Variants in CSMD1 observed in about 807,000 individuals in gnomAD.
CSMD1 encodes CUB and sushi domain-containing protein 1.
In CSMD1, 213 loss-of-function variants were observed where a neutral mutation model predicts 417.5. The observed-to-expected ratio is 0.51, with a 90% confidence interval of 0.46 to 0.57. The LOEUF (loss-of-function observed/expected upper bound fraction) is 0.57. Among genes scored for constraint, CSMD1 ranks in the 20% least tolerant of loss-of-function variants. The pLI is 0.00. For missense variants in CSMD1, 6,923 were observed against 4,529.7 expected (o/e 1.53, Z -15.17); for synonymous variants, 2,862 against 1,736.8 (o/e 1.65, Z -16.11).
intron 26 of CSMD1, among the ~76,000 whole-genome samples, chr8:3,274,152 A>G (rs1341301198): frequency 1.3e-5 from 2 of 151,780 alleles, no homozygotes; most frequent in Non-Finnish European, 2.9e-5. Flanking sequence ...GGTTTCAAAG[A>G]ACATCTTTAT....
At chr8:4,525,966 G>A (rs956736731) in intron 2 of CSMD1, among the ~76,000 whole-genome samples, 2 of 152,088 alleles carry the variant, frequency 1.3e-5, no homozygotes, top group Non-Finnish European at 2.9e-5. Flanking sequence ...GGTCCTGAAC[G>A]CTGCCTTTGC....
chr8:4,806,037 G>C (rs1798566796), intron 1 of CSMD1, among the ~76,000 whole-genome samples: 1 of 152,140 alleles, frequency 6.6e-6, no homozygotes, highest in African/African-American at 2.4e-5. Flanking sequence ...GAAACAGACA[G>C]TGAGATGACG....
At chr8:4,274,299 T>C (rs1171444395) in intron 3 of CSMD1, among the ~76,000 whole-genome samples, 2 of 152,170 alleles carry the variant, frequency 1.3e-5, no homozygotes, top group African/African-American at 4.8e-5. Flanking sequence ...ACGTGAAGTA[T>C]CACCCAACTG....
chr8:4,114,502 T>G (rs1365530205), intron 3 of CSMD1, among the ~76,000 whole-genome samples: 4 of 152,236 alleles, frequency 2.6e-5, no homozygotes, highest in East Asian at 1.9e-4. Context: ...TAATAAAATA[T>G]CCATTCTGCA....
intron 47 of CSMD1, 147 bp downstream of exon 47, chr8:3,096,702 C>T (rs988897717): frequency 3.3e-6 from 2 of 612,484 alleles, no homozygotes; most frequent in South Asian, 4.3e-5. Context: ...GAATGCATAA[C>T]CCCAAACTAG....
chr8:4,678,616 C>A (rs1805840828), intron 1 of CSMD1, among the ~76,000 whole-genome samples: 1 of 152,086 alleles, frequency 6.6e-6, no homozygotes. Flanking sequence ...TATGCATTTA[C>A]ATTACTACTA....
chr8:3,156,026 G>C (rs1033892096), intron 39 of CSMD1, among the ~76,000 whole-genome samples: 1 of 152,200 alleles, frequency 6.6e-6, no homozygotes, highest in Admixed American at 6.5e-5. Context: ...AGAAGAATGT[G>C]TAACAGACAG....
At chr8:4,375,819 T>A (rs1314448628) in intron 3 of CSMD1, among the ~76,000 whole-genome samples, 1 of 152,176 alleles carries the variant, frequency 6.6e-6, no homozygotes, top group African/African-American at 2.4e-5. Flanking sequence ...AAGAGTTCAA[T>A]GTTTTTAAGC....
At chr8:3,779,899 A>T (rs1265438203) in intron 5 of CSMD1, among the ~76,000 whole-genome samples, 1 of 152,130 alleles carries the variant, frequency 6.6e-6, no homozygotes, top group Non-Finnish European at 1.5e-5. Context: ...TTTTTCTCTC[A>T]TGGCCTGTCT....
At chr8:4,133,204 G>C (rs181332692) in intron 3 of CSMD1, among the ~76,000 whole-genome samples, 44 of 152,136 alleles carry the variant, frequency 2.9e-4, no homozygotes, top group African/African-American at 1.1e-3. Flanking sequence ...CCAAAGTGCT[G>C]GGATTACAGA....
intron 7 of CSMD1, among the ~76,000 whole-genome samples, chr8:3,659,084 G>A (rs1476919398): frequency 6.6e-6 from 1 of 152,094 alleles, no homozygotes; most frequent in East Asian, 1.9e-4. Context: ...TTCCGAAATG[G>A]TAATCTAATT....
intron 1 of CSMD1, among the ~76,000 whole-genome samples, chr8:4,701,226 C>T (rs1284224986): frequency 2.0e-5 from 3 of 152,022 alleles, no homozygotes; most frequent in African/African-American, 7.2e-5. Flanking sequence ...GCTCAGAGCT[C>T]TCTCATCACT....
intron 1 of CSMD1, among the ~76,000 whole-genome samples, chr8:4,686,460 G>A (rs1365560055): frequency 6.6e-6 from 1 of 152,210 alleles, no homozygotes; most frequent in East Asian, 1.9e-4. Flanking sequence ...TTGTGCGAGA[G>A]GGGGCCTCCC....
intron 3 of CSMD1, among the ~76,000 whole-genome samples, chr8:4,060,199 A>G (rs1469691972): frequency 6.6e-6 from 1 of 150,738 alleles, no homozygotes; most frequent in South Asian, 2.1e-4. Context: ...AAACCACATG[A>G]TTATTTCAAT....
At chr8:4,676,521 T>C (rs1805691112) in intron 1 of CSMD1, among the ~76,000 whole-genome samples, 1 of 152,180 alleles carries the variant, frequency 6.6e-6, no homozygotes, top group African/African-American at 2.4e-5. Context: ...ATATATCTCA[T>C]AATTTCCTGT....
chr8:3,199,360 T>G (rs929628364), intron 33 of CSMD1, among the ~76,000 whole-genome samples: 8 of 152,142 alleles, frequency 5.3e-5, no homozygotes, highest in Non-Finnish European at 1.2e-4. Flanking sequence ...TCCTATATTG[T>G]TACTAAGATC....
intron 21 of CSMD1, among the ~76,000 whole-genome samples, chr8:3,352,261 T>C (rs1808471845): frequency 6.6e-6 from 1 of 152,132 alleles, no homozygotes; most frequent in Non-Finnish European, 1.5e-5. Context: ...GAAGGAACTA[T>C]GGGAGATGGG....
At chr8:3,906,572 G>A (rs559589172) in intron 5 of CSMD1, among the ~76,000 whole-genome samples, 1 of 151,604 alleles carries the variant, frequency 6.6e-6, no homozygotes, top group Non-Finnish European at 1.5e-5. Flanking sequence ...GCTGTACCAT[G>A]AGGTGTGGGA....
chr8:3,456,780 C>A (rs950403130), intron 12 of CSMD1, among the ~76,000 whole-genome samples: 1 of 152,078 alleles, frequency 6.6e-6, no homozygotes, highest in Non-Finnish European at 1.5e-5. Flanking sequence ...GACCCATCCC[C>A]ATTGCCCATT....
Sources: allele counts gnomAD v4.1 joint callset (sites outside exome capture counted in the v4.1 genomes callset), GRCh38; gene constraint gnomAD v4.1.1; transcripts MANE v1.5; gene names NCBI Gene and HGNC (gene_info 2026-07-23, HGNC 2026-07-21).